Variants in PSD3 observed in about 807,000 individuals in gnomAD.
The protein encoded by PSD3 is pleckstrin and Sec7 domain containing 3.
In PSD3, 49 loss-of-function variants were observed where a neutral mutation model predicts 105.5. The ratio of observed to expected loss-of-function variants is 0.46; its 90% CI spans 0.37 to 0.59. The LOEUF (loss-of-function observed/expected upper bound fraction) is 0.59, where lower values mean the gene tolerates loss of function less well. Among genes scored for constraint, PSD3 ranks in the 20% least tolerant of loss-of-function variants. PSD3 has a pLI of 0.00. For missense variants in PSD3, 1,561 were observed against 1,263.8 expected (o/e 1.24, Z -3.57); for synonymous variants, 557 against 457.8 (o/e 1.22, Z -2.77).
chr8:18,866,541 CA>C (rs1816946841), intron 4 of PSD3, among the ~76,000 whole-genome samples: 1 of 152,150 alleles, frequency 6.6e-6, no homozygotes, highest in African/African-American at 2.4e-5. Flanking sequence ...TACTTCAGAC[CA>C]AAGTCTTGTG....
chr8:18,965,389 C>T lies in PSD3; in HGVS notation c.22-29247G>A, dbSNP rs540517066. On this transcript the variant is annotated intron_variant, in intron 1 of 15. Coordinates refer to ENST00000327040, the MANE Select transcript of PSD3 (RefSeq NM_015310.4). ...ATAGGTTGCGCCCTTGAGGAACCAG[C>T]GTCCCCTCTATGGAGCCATTCACAG... 3.9e-5 allele frequency among the ~76,000 whole-genome samples: 6 copies of T among 152,276 alleles called. No individual in the cohort carries two copies. The East Asian group carries it at 5.8e-4, about 15-fold the overall frequency.
intron 1 of PSD3, among the ~76,000 whole-genome samples, chr8:19,037,229 G>A (rs1240496391): frequency 6.6e-6 from 1 of 152,236 alleles, no homozygotes; most frequent in Non-Finnish European, 1.5e-5. Flanking sequence ...ACCTGAGAAA[G>A]GTCTGCTTGC....
intron 1 of PSD3, among the ~76,000 whole-genome samples, chr8:18,998,190 T>G (rs891503862): frequency 6.6e-6 from 1 of 151,892 alleles, no homozygotes. Context: ...GAGTTGTATT[T>G]TAAATAAGTC....
intron 1 of PSD3, among the ~76,000 whole-genome samples, chr8:19,061,231 A>T (rs945996546): frequency 6.6e-6 from 1 of 152,184 alleles, no homozygotes; most frequent in African/African-American, 2.4e-5. Flanking sequence ...ACACAGCCAC[A>T]CCACATTGAG....
intron 1 of PSD3, among the ~76,000 whole-genome samples, chr8:19,033,716 A>T (rs931041105): frequency 6.6e-6 from 1 of 151,988 alleles, no homozygotes; most frequent in Non-Finnish European, 1.5e-5. Context: ...TCTTAGTGAT[A>T]GCAGCACTCC....
chr8:18,989,997 CT>C (rs1447525744), intron 1 of PSD3, among the ~76,000 whole-genome samples: 4 of 152,186 alleles, frequency 2.6e-5, no homozygotes, highest in Non-Finnish European at 5.9e-5. Context: ...CTATGTCATT[CT>C]TCCTTTCCTT....
chr8:18,809,572 A>G (rs1811515613), intron 4 of PSD3, among the ~76,000 whole-genome samples: 1 of 152,246 alleles, frequency 6.6e-6, no homozygotes, highest in Admixed American at 6.5e-5. Flanking sequence ...CACAGGACAT[A>G]CTTATACAAA....
At chr8:18,652,811 G>T (rs4504676) in intron 10 of PSD3, among the ~76,000 whole-genome samples, 65,970 of 151,838 alleles carry the variant, frequency 0.43, 14,815 homozygotes, top group South Asian at 0.54. Context: ...TAGCTCCTTT[G>T]CTAAAGGATC....
At chr8:18,782,711 G>T (rs1033062922) in intron 8 of PSD3, among the ~76,000 whole-genome samples, 1 of 152,176 alleles carries the variant, frequency 6.6e-6, no homozygotes, top group African/African-American at 2.4e-5. Flanking sequence ...CAGGCCCTTA[G>T]ATGGTATGCA....
At chr8:18,742,543 C>T (rs574443451) in intron 9 of PSD3, among the ~76,000 whole-genome samples, 1 of 152,084 alleles carries the variant, frequency 6.6e-6, no homozygotes, top group East Asian at 1.9e-4. Flanking sequence ...TATATTTTAC[C>T]TACAGTGTAT....
At chr8:18,557,699 G>A (rs1403685304) in intron 14 of PSD3, among the ~76,000 whole-genome samples, 1 of 152,154 alleles carries the variant, frequency 6.6e-6, no homozygotes. Flanking sequence ...CCCAGAAAAG[G>A]ACGAAGGAGA....
Position 18,981,155 on chromosome 8 carries a change from G to A in PSD3, c.21+32408C>T, listed in dbSNP as rs58887670. ...TGGGCACCTAGGCTGTAACATAAGG[G>A]TCCACCAGGACACTGCTAGCCCTCA... is the stretch of plus-strand genomic sequence containing the variant. On this transcript the variant is annotated intron_variant, in intron 1 of 15. Transcript: ENST00000327040. Among the ~76,000 whole-genome samples, 769 of 152,178 alleles carry A rather than the reference G, an allele frequency of 5.1e-3. 7 individuals are homozygous for A. The highest frequency in any genetic ancestry group is 0.017 in the African/African-American group (723 of 41,516).
intron 2 of PSD3, among the ~76,000 whole-genome samples, chr8:18,917,902 G>A (rs931736023): frequency 5.3e-5 from 8 of 152,174 alleles, no homozygotes; most frequent in Non-Finnish European, 7.4e-5. Flanking sequence ...CTAAGCCACC[G>A]GTGTGTGGGT....
At chr8:18,596,037 T>C (rs190583001) in intron 12 of PSD3, among the ~76,000 whole-genome samples, 255 of 152,000 alleles carry the variant, frequency 1.7e-3, no homozygotes, top group Non-Finnish European at 2.5e-3. Flanking sequence ...TTAAGAAGAC[T>C]GAAATAATAC....
intron 10 of PSD3, among the ~76,000 whole-genome samples, chr8:18,647,034 C>G (rs1808087356): frequency 6.6e-6 from 1 of 152,158 alleles, no homozygotes; most frequent in African/African-American, 2.4e-5. Context: ...AGAATACACA[C>G]AGAGATGTAC....
At chr8:18,545,389 T>C (rs1800396386) in intron 15 of PSD3, among the ~76,000 whole-genome samples, 1 of 152,112 alleles carries the variant, frequency 6.6e-6, no homozygotes, top group Non-Finnish European at 1.5e-5. Context: ...CTTGTGATGG[T>C]TTTGACTATA....
At chr8:18,659,050 A>G (rs1809115067) in intron 9 of PSD3, among the ~76,000 whole-genome samples, 1 of 152,114 alleles carries the variant, frequency 6.6e-6, no homozygotes, top group African/African-American at 2.4e-5. Flanking sequence ...CTTCCCATGG[A>G]CAGATCTGCG....
intron 14 of PSD3, among the ~76,000 whole-genome samples, chr8:18,564,009 A>T (rs2130237510): frequency 6.6e-6 from 1 of 152,306 alleles, no homozygotes; most frequent in South Asian, 2.1e-4. Context: ...CACATACCAT[A>T]AAAACACCCC....
Position 18,612,974 on chromosome 8 carries a change from GCAGGAAGAATTTA to G in PSD3, c.2411-12553_2411-12541del, listed in dbSNP as rs145748510. On this transcript the variant is annotated intron_variant, in intron 11 of 15. Transcript: ENST00000327040. ...TTCACTGGCAGCCATTACTAGACGT[GCAGGAAGAATTTA>G]CATGGCTTGGGCTGAGGTTGGAAAA... Among the ~76,000 whole-genome samples, 1,120 of 152,190 alleles carry G rather than the reference GCAGGAAGAATTTA, an allele frequency of 7.4e-3. 17 individuals carry two copies. Among genetic ancestry groups the G allele is most frequent in the African/African-American group, 0.025 (1,037 of 41,510 alleles).
Sources: allele counts gnomAD v4.1 joint callset (sites outside exome capture counted in the v4.1 genomes callset), GRCh38; gene constraint gnomAD v4.1.1; transcripts MANE v1.5; gene names NCBI Gene and HGNC (gene_info 2026-07-23, HGNC 2026-07-21).